The following PDZRN4 variants were observed in gnomAD, a reference collection of about 807,000 sequenced individuals.
PDZRN4 encodes PDZ domain containing ring finger 4.
In PDZRN4, 70 loss-of-function variants were observed where a neutral mutation model predicts 99.0. That is an observed-to-expected ratio of 0.71 (90% CI 0.58 to 0.86). PDZRN4 has a LOEUF of 0.86. Ranked by LOEUF, PDZRN4 falls within the 40% of genes least tolerant of loss-of-function variation. The pLI is 0.00. For missense variants in PDZRN4, 1,474 were observed against 1,331.2 expected (o/e 1.11, Z -1.67); for synonymous variants, 551 against 501.6 (o/e 1.10, Z -1.32).
At chr12:41,510,408 C>T (rs1938285998) in intron 5 of PDZRN4, among the ~76,000 whole-genome samples, 1 of 152,052 alleles carries the variant, frequency 6.6e-6, no homozygotes, top group Non-Finnish European at 1.5e-5. Context: ...GCCTCATGCC[C>T]TTTGTTGTTA....
At chr12:41,539,111 T>C (rs35667109) in intron 5 of PDZRN4, among the ~76,000 whole-genome samples, 2 of 151,456 alleles carry the variant, frequency 1.3e-5, no homozygotes, top group South Asian at 4.2e-4. Flanking sequence ...ATATATATAT[T>C]ATGCGTAAAT....
chr12:41,237,981 A>G (rs1951078119), intron 3 of PDZRN4, among the ~76,000 whole-genome samples: 1 of 152,090 alleles, frequency 6.6e-6, no homozygotes, highest in Non-Finnish European at 1.5e-5. Context: ...GAATTTTAAA[A>G]TAGTTTTTTT....
intron 3 of PDZRN4, among the ~76,000 whole-genome samples, chr12:41,306,643 T>G (rs1951571963): frequency 6.6e-6 from 1 of 152,216 alleles, no homozygotes; most frequent in African/African-American, 2.4e-5. Flanking sequence ...CCGAGAATTC[T>G]CCAAATGTTT....
chr12:41,413,518 T>G (rs1952416069), intron 3 of PDZRN4, among the ~76,000 whole-genome samples: 1 of 152,060 alleles, frequency 6.6e-6, no homozygotes, highest in Non-Finnish European at 1.5e-5. Flanking sequence ...AGAAGGAGGA[T>G]TGAATGTTCC....
intron 3 of PDZRN4, among the ~76,000 whole-genome samples, chr12:41,431,484 G>A (rs1051295436): frequency 6.6e-6 from 1 of 152,178 alleles, no homozygotes; most frequent in African/African-American, 2.4e-5. Context: ...CAATAGGACA[G>A]AATACTTCAT....
intron 2 of PDZRN4, 35 bp downstream of exon 2, chr12:41,191,579 A>G (rs188597250): frequency 1.1e-6 from 1 of 943,418 alleles, no homozygotes; most frequent in Non-Finnish European, 1.7e-6. Context: ...CTCGTTACTT[A>G]TAAAATAAGC....
At chr12:41,538,395 G>A (rs1029185642) in intron 5 of PDZRN4, among the ~76,000 whole-genome samples, 10 of 152,084 alleles carry the variant, frequency 6.6e-5, no homozygotes, top group African/African-American at 2.2e-4. Context: ...TTTAAGAAAC[G>A]TTATATTGTG....
At chr12:41,470,148 G>C in intron 3 of PDZRN4, among the ~76,000 whole-genome samples, 1 of 152,026 alleles carries the variant, frequency 6.6e-6, no homozygotes, top group East Asian at 1.9e-4. Context: ...AGATGGGTTT[G>C]TCAGAAAATT....
At chr12:41,539,395 G>A (rs1938808544) in intron 5 of PDZRN4, among the ~76,000 whole-genome samples, 1 of 151,928 alleles carries the variant, frequency 6.6e-6, no homozygotes, top group Non-Finnish European at 1.5e-5. Context: ...GATCAGAAAT[G>A]TCTGAACATA....
intron 3 of PDZRN4, among the ~76,000 whole-genome samples, chr12:41,505,052 A>G (rs1019364190): frequency 2.6e-5 from 4 of 152,140 alleles, no homozygotes; most frequent in Non-Finnish European, 4.4e-5. Flanking sequence ...CTGGCATTGT[A>G]TCATTTACCC....
At chr12:41,554,313 T>C (rs917814071) in intron 6 of PDZRN4, among the ~76,000 whole-genome samples, 2 of 152,198 alleles carry the variant, frequency 1.3e-5, no homozygotes, top group Non-Finnish European at 2.9e-5. Context: ...CACTTCCTTC[T>C]AGTAAGTCTC....
intron 3 of PDZRN4, among the ~76,000 whole-genome samples, chr12:41,263,362 G>A (rs1951255680): frequency 6.6e-6 from 1 of 152,024 alleles, no homozygotes; most frequent in African/African-American, 2.4e-5. Flanking sequence ...AGACCAGCCT[G>A]GCCAATATGG....
rs545229712 is a variant in PDZRN4 at position 41,319,609 on chromosome 12, C to T, written c.843+125421C>T. Reference sequence around the variant, plus strand: ...CTCCTTTCACTGAAAGGCAAAAGCTCACAAGCACACAGGCCCTCTCATGAA... The same window carrying T: ...CTCCTTTCACTGAAAGGCAAAAGCTTACAAGCACACAGGCCCTCTCATGAA... On this transcript the variant is annotated intron_variant, in intron 3 of 9. Transcript: ENST00000402685. Among the ~76,000 whole-genome samples the T allele has an allele frequency of 1.2e-4, 19 of 152,276 alleles. No individual in the cohort carries two copies. The South Asian group carries it at 1.5e-3, about 12-fold the overall frequency.
chr12:41,486,623 CAG>C (rs1198645365), intron 3 of PDZRN4, among the ~76,000 whole-genome samples: 1 of 151,540 alleles, frequency 6.6e-6, no homozygotes, highest in African/African-American at 2.4e-5. Flanking sequence ...CAAGCAATGG[CAG>C]AGAGGGAAGG....
intron 3 of PDZRN4, among the ~76,000 whole-genome samples, chr12:41,252,375 G>A (rs1951176571): frequency 6.6e-6 from 1 of 152,178 alleles, no homozygotes; most frequent in Admixed American, 6.5e-5. Flanking sequence ...AATGACCACT[G>A]ATAGAGGCAA....
At chr12:41,358,485 A>G (rs1441982659) in intron 3 of PDZRN4, among the ~76,000 whole-genome samples, 1 of 151,950 alleles carries the variant, frequency 6.6e-6, no homozygotes, top group Non-Finnish European at 1.5e-5. Flanking sequence ...TTACTTTCAT[A>G]TCTACTCACT....
intron 3 of PDZRN4, among the ~76,000 whole-genome samples, chr12:41,231,807 T>C (rs1951031104): frequency 6.6e-6 from 1 of 152,020 alleles, no homozygotes; most frequent in Non-Finnish European, 1.5e-5. Context: ...TGTGGTCAGT[T>C]CTAGTACCAA....
At chr12:41,417,136 A>C (rs925703087) in intron 3 of PDZRN4, among the ~76,000 whole-genome samples, 2 of 152,224 alleles carry the variant, frequency 1.3e-5, no homozygotes, top group African/African-American at 4.8e-5. Flanking sequence ...TTACTCGGAA[A>C]GGAAATTGCC....
Position 41,189,014 on chromosome 12 carries a change from C to T in PDZRN4, c.559C>T (p.Leu187Phe), listed in dbSNP as rs543178354. ...QLWALQGEVQ[L>F]TARRYQEKFT... is the part of the protein sequence containing the mutation. Reference sequence around the variant, plus strand: ...CTGGGCGCTGCAGGGCGAGGTGCAGCTCACGGCGCGCAGGTACCAGGAGAA... The same window carrying T: ...CTGGGCGCTGCAGGGCGAGGTGCAGTTCACGGCGCGCAGGTACCAGGAGAA... Residue 187 changes from leucine to phenylalanine, a missense_variant, in exon 1 of 10, where the codon CTC becomes TTC. Physicochemically the swap from Leu to Phe is conservative, Grantham distance 22. Coordinates refer to ENST00000402685, the MANE Select transcript of PDZRN4 (RefSeq NM_001164595.2). The T allele has an allele frequency of 2.4e-5, 38 of 1,556,304 alleles. 1 individual carries two copies. The Admixed American group carries it at 6.4e-4, about 26-fold the overall frequency.
Sources: allele counts gnomAD v4.1 joint callset (sites outside exome capture counted in the v4.1 genomes callset), GRCh38; gene constraint gnomAD v4.1.1; transcripts MANE v1.5; gene names NCBI Gene and HGNC (gene_info 2026-07-23, HGNC 2026-07-21).